The following MGMT variants were observed in gnomAD, a reference collection of about 807,000 sequenced individuals.
MGMT encodes O-6-methylguanine-DNA methyltransferase, also known as methylated-DNA--protein-cysteine methyltransferase.
A neutral mutation model predicts 15.9 loss-of-function variants in MGMT; 14 were observed. The ratio of observed to expected loss-of-function variants is 0.88; its 90% confidence interval spans 0.58 to 1.37. The LOEUF (loss-of-function observed/expected upper bound fraction) is 1.37. Ranked by LOEUF, MGMT falls within the 40% of genes most tolerant of loss-of-function variation. MGMT has a pLI of 0.00. For synonymous variants in MGMT, 130 were observed against 118.2 expected (o/e 1.10, Z -0.65); for missense variants, 282 against 268.1 (o/e 1.05, Z -0.36).
rs373273747 is a variant in MGMT at position 129,583,621 on chromosome 10, C to T, written c.125+47244C>T. Among the ~76,000 whole-genome samples the T allele has an allele frequency of 2.5e-4, 38 of 152,324 alleles. 2 individuals carry two copies. In the South Asian group the frequency reaches 7.9e-3, roughly 32 times the overall value. On this transcript the variant is annotated intron_variant, in intron 2 of 4. Coordinates refer to ENST00000651593, the MANE Select transcript of MGMT (RefSeq NM_002412.5). ...CCTTTTCCCAAATTCTTCTTCATTG[C>T]ATCTGATACATCCCCCTTGCCTGCA... is the stretch of plus-strand genomic sequence containing the variant.
chr10:129,747,813 A>G (rs1848710991), intron 3 of MGMT, among the ~76,000 whole-genome samples: 1 of 152,180 alleles, frequency 6.6e-6, no homozygotes, highest in Non-Finnish European at 1.5e-5. Flanking sequence ...CCTTAGTTTT[A>G]GATGGCCTAG....
At chr10:129,580,021 T>C (rs1195451252) in intron 2 of MGMT, among the ~76,000 whole-genome samples, 1 of 152,190 alleles carries the variant, frequency 6.6e-6, no homozygotes, top group Non-Finnish European at 1.5e-5. Context: ...TTATTTTTGT[T>C]TCACAAACTT....
At chr10:129,564,618 TCCTCCCCTGCTTCC>T (rs1431266544) in intron 2 of MGMT, among the ~76,000 whole-genome samples, 61 of 28,584 alleles carry the variant, frequency 2.1e-3, no homozygotes, top group South Asian at 0.012. Context: ...CCCCTCCTCC[TCCTCCCCTGCTTCC>T]CCTCCTCTGC....
chr10:129,540,414 G>GT (rs1846030844), intron 2 of MGMT, among the ~76,000 whole-genome samples: 1 of 152,220 alleles, frequency 6.6e-6, no homozygotes, highest in African/African-American at 2.4e-5. Context: ...ACTTCAGTAA[G>GT]TGTGGTGACA....
intron 2 of MGMT, among the ~76,000 whole-genome samples, chr10:129,570,249 T>A (rs918645956): frequency 6.6e-6 from 1 of 152,284 alleles, no homozygotes; most frequent in Non-Finnish European, 1.5e-5. Context: ...TTACTTTGTA[T>A]CCTTAACTAA....
intron 1 of MGMT, among the ~76,000 whole-genome samples, chr10:129,487,912 G>T (rs941628975): frequency 7.3e-6 from 1 of 137,606 alleles, no homozygotes; most frequent in Non-Finnish European, 1.5e-5. Context: ...ACCATATAGG[G>T]GTGTGTGTGT....
rs768967205 is a variant in MGMT at position 129,770,658 on chromosome 10, A to C, written c.*3661A>C. ...GCTACTTGGGCTTCTCACAGCACAG[A>C]GGAGGATTCTGAAGTGAGAGATAAA... On this transcript the variant is annotated 3_prime_UTR_variant, in exon 5 of 5. Transcript: ENST00000651593. 6.6e-6 allele frequency among the ~76,000 whole-genome samples: 1 copy of C among 152,232 alleles called. No homozygotes were observed. The highest frequency in any genetic ancestry group is 1.5e-5 in the Non-Finnish European group (1 of 68,052).
rs1056324578 is a variant in MGMT, at chr10:129,566,302, C to T, written c.125+29925C>T. Among the ~76,000 whole-genome samples, 1 of 152,208 alleles carries T rather than the reference C, an allele frequency of 6.6e-6. No homozygotes were observed. The highest frequency in any genetic ancestry group is 1.5e-5 in the Non-Finnish European group (1 of 68,034). On this transcript the variant is annotated intron_variant, in intron 2 of 4. Coordinates refer to ENST00000651593, the MANE Select transcript of MGMT (RefSeq NM_002412.5). This position sits in a 1 kb window ranked among gnomAD's most constrained non-coding sequence, Gnocchi z 4.1. ...AGCCTTGGGCAGAGGTGAGGCAGAG[C>T]TCTGACTGTTTCATTCGACTACGTT...
chr10:129,590,250 C>A (rs550819522), intron 2 of MGMT, among the ~76,000 whole-genome samples: 2 of 152,274 alleles, frequency 1.3e-5, no homozygotes, highest in Admixed American at 1.3e-4. Flanking sequence ...TTATAAAATA[C>A]GTTTAATATA....
intron 2 of MGMT, among the ~76,000 whole-genome samples, chr10:129,617,977 C>T (rs1456793495): frequency 5.3e-5 from 8 of 151,832 alleles, no homozygotes; most frequent in Admixed American, 5.2e-4. Context: ...GAGGACCCCT[C>T]CTGCCATATA....
intron 1 of MGMT, among the ~76,000 whole-genome samples, chr10:129,518,327 T>TACACAC (rs1845762366): frequency 6.7e-6 from 1 of 149,512 alleles, no homozygotes; most frequent in Non-Finnish European, 1.5e-5. Context: ...TGTGTACAGA[T>TACACAC]ACACACACAT....
intron 2 of MGMT, chr10:129,537,161 A>C (rs1845995232): frequency 6.6e-6 from 1 of 152,176 alleles, no homozygotes; most frequent in Non-Finnish European, 1.5e-5. Context: ...GAAGAAAAAA[A>C]AAACACCCAC....
In MGMT at chr10:129,762,233, AG is replaced by A. The variant is rs375223347; in HGVS notation, c.414+2893del. Among the ~76,000 whole-genome samples the A allele has an allele frequency of 4.5e-3, 690 of 152,372 alleles. 4 individuals carry two copies. Among genetic ancestry groups the A allele is most frequent in the African/African-American group, 0.016 (659 of 41,584 alleles). ...AACATCCCTTATATTCAGGATGAAT[AG>A]AGTGATTGTGCATTTAAGGGAGGAG... On this transcript the variant is annotated intron_variant, in intron 4 of 4. Coordinates refer to ENST00000651593, the MANE Select transcript of MGMT (RefSeq NM_002412.5).
At chr10:129,539,898 G>A (rs1846025990) in intron 2 of MGMT, among the ~76,000 whole-genome samples, 1 of 152,136 alleles carries the variant, frequency 6.6e-6, no homozygotes, top group Non-Finnish European at 1.5e-5. Flanking sequence ...TCTTAAGTTT[G>A]CCTATTACTT....
At position 129,557,000 on chromosome 10, in the gene MGMT, T is replaced by C. The variant is rs941198088; in HGVS notation, c.125+20623T>C. On this transcript the variant is annotated intron_variant, in intron 2 of 4. Transcript: ENST00000651593. This position sits in a 1 kb window ranked among gnomAD's most constrained non-coding sequence, Gnocchi z 4.3. Reference sequence around the variant, plus strand: ...GTGGCGTGTCCCTTCTGTAAATTGCTGTGACCTGGGCTGCATGCTCCACAG... The same window carrying C: ...GTGGCGTGTCCCTTCTGTAAATTGCCGTGACCTGGGCTGCATGCTCCACAG... Among the ~76,000 whole-genome samples the C allele has an allele frequency of 1.3e-5, 2 of 152,212 alleles. No individual in the cohort carries two copies. Among genetic ancestry groups the C allele is most frequent in the Admixed American group, 6.5e-5 (1 of 15,280 alleles).
intron 2 of MGMT, among the ~76,000 whole-genome samples, chr10:129,545,113 G>C (rs1010231986): frequency 1.3e-5 from 2 of 152,190 alleles, no homozygotes; most frequent in Admixed American, 1.3e-4. Context: ...ACCAATAAGA[G>C]AAATGGAGAT....
chr10:129,650,618 G>A (rs990025233), intron 2 of MGMT, among the ~76,000 whole-genome samples: 5 of 152,204 alleles, frequency 3.3e-5, no homozygotes, highest in Non-Finnish European at 5.9e-5. Flanking sequence ...GTTGGAAGTG[G>A]AACACTGCAG....
At chr10:129,725,672 G>C (rs1241827421) in intron 3 of MGMT, among the ~76,000 whole-genome samples, 1 of 152,160 alleles carries the variant, frequency 6.6e-6, no homozygotes, top group South Asian at 2.1e-4. Context: ...TCCATGCTCT[G>C]GGCAGGCTAC....
intron 1 of MGMT, among the ~76,000 whole-genome samples, chr10:129,474,272 C>T (rs927956126): frequency 6.6e-6 from 1 of 152,080 alleles, no homozygotes; most frequent in African/African-American, 2.4e-5. Context: ...GAGAAGATCA[C>T]GGGGCTGGCA....
Sources: gnomAD v4.1 joint callset for allele counts (sites outside exome capture counted in the v4.1 genomes callset) on GRCh38, gnomAD v4.1.1 for gene constraint, Gnocchi (gnomAD v3.1) non-coding constraint, MANE v1.5 for transcripts, NCBI Gene and HGNC (gene_info 2026-07-23, HGNC 2026-07-21) for gene names.